ERBIN: variants seen among roughly 807,000 people sequenced by gnomAD.
ERBIN encodes the protein densin-180-like protein.
A neutral mutation model predicts 158.4 loss-of-function variants in ERBIN; 60 were observed. The ratio of observed to expected loss-of-function variants is 0.38; its 90% CI spans 0.31 to 0.47. ERBIN has a LOEUF of 0.47. Among genes scored for constraint, ERBIN ranks in the 20% least tolerant of loss-of-function variants. The probability of loss-of-function intolerance (pLI) is 0.99; values close to 1 mark genes in which losing one functional copy is unlikely to be tolerated. For synonymous variants in ERBIN, 594 were observed against 557.2 expected (o/e 1.07, Z -0.93); for missense variants, 1,610 against 1,648.0 (o/e 0.98, Z 0.40).
intron 1 of ERBIN, among the ~76,000 whole-genome samples, chr5:65,940,981 C>T (rs1044542542): frequency 6.6e-6 from 1 of 152,186 alleles, no homozygotes; most frequent in East Asian, 1.9e-4. Flanking sequence ...AAGAAAAATT[C>T]TTCTGCCTTG....
chr5:66,008,574 G>A (rs183227003), intron 4 of ERBIN, among the ~76,000 whole-genome samples: 1 of 151,992 alleles, frequency 6.6e-6, no homozygotes, highest in Admixed American at 6.6e-5. Flanking sequence ...TCTCCATATG[G>A]TATTTTAGAT....
chr5:66,054,095 T>C lies in ERBIN; in HGVS notation c.2777T>C (p.Val926Ala). 5.0e-6 allele frequency: 8 copies of C among 1,614,186 alleles called. No homozygotes were observed. Among genetic ancestry groups the C allele is most frequent in the Admixed American group, 3.3e-5 (2 of 60,020 alleles). ...ATLLYDQPLQ[V>A]FTGSSSSSDL... ...CTGTTGTATGATCAACCATTGCAGG[T>C]ATTTACTGGTTCTTCCTCATCTTCT... Residue 926 changes from valine to alanine, a missense_variant, in exon 21 of 26, where the codon GTA becomes GCA. Val to Ala is a moderately conservative substitution (Grantham distance 64). Transcript: ENST00000284037.
intron 13 of ERBIN, among the ~76,000 whole-genome samples, chr5:66,027,647 G>T (rs983296111): frequency 6.6e-6 from 1 of 151,908 alleles, no homozygotes; most frequent in Non-Finnish European, 1.5e-5. Flanking sequence ...CTCTAGAAAT[G>T]ATTTAAAATA....
At chr5:65,954,929 G>T (rs945625171) in intron 1 of ERBIN, among the ~76,000 whole-genome samples, 1 of 152,022 alleles carries the variant, frequency 6.6e-6, no homozygotes, top group Non-Finnish European at 1.5e-5. Flanking sequence ...GCCGGGCATG[G>T]TGGTGGGCGC....
At chr5:66,071,027 A>G (rs1761482202) in intron 21 of ERBIN, among the ~76,000 whole-genome samples, 1 of 152,186 alleles carries the variant, frequency 6.6e-6, no homozygotes, top group South Asian at 2.1e-4. Flanking sequence ...TGAAAAACAT[A>G]TGTGTCTTGC....
At chr5:65,944,393 G>A (rs76908755) in intron 1 of ERBIN, among the ~76,000 whole-genome samples, 2,633 of 151,702 alleles carry the variant, frequency 0.017, 72 homozygotes, top group African/African-American at 0.059. Context: ...GGTGGTTGTT[G>A]GTTTTTTTGT....
At chr5:66,034,080 C>T (rs1757151917) in intron 14 of ERBIN, among the ~76,000 whole-genome samples, 3 of 145,474 alleles carry the variant, frequency 2.1e-5, no homozygotes, top group African/African-American at 7.6e-5. Flanking sequence ...CTGCACTCCA[C>T]ACTGTAGCCT....
chr5:66,016,078 A>G (rs1254634174), intron 7 of ERBIN, among the ~76,000 whole-genome samples: 3 of 152,212 alleles, frequency 2.0e-5, no homozygotes, highest in Non-Finnish European at 4.4e-5. Context: ...GTGAGGACAG[A>G]GACTGTGTCT....
intron 1 of ERBIN, among the ~76,000 whole-genome samples, chr5:65,928,712 C>A (rs1742990050): frequency 6.6e-6 from 1 of 151,988 alleles, no homozygotes. Context: ...TTCTCCTCAA[C>A]AAGGCATAAT....
rs960501960 is a variant in ERBIN, at chr5:66,082,221, T to G, written c.*3691T>G. 1 of 152,224 alleles carries G rather than the reference T, an allele frequency of 6.6e-6. No homozygotes were observed. Among genetic ancestry groups the G allele is most frequent in the African/African-American group, 2.4e-5 (1 of 41,454 alleles). 9.4% of individuals were successfully genotyped at this position (152,224 alleles called of 1,614,324 possible). On this transcript the variant is annotated 3_prime_UTR_variant, in exon 26 of 26. Coordinates refer to ENST00000284037, the MANE Select transcript of ERBIN (RefSeq NM_001253697.2). Reference sequence around the variant, plus strand: ...AAAGCCTAAAATGTTAGAGAATGTTTAGAGAAAACACCTGAAATTTTTTTT... The same window carrying G: ...AAAGCCTAAAATGTTAGAGAATGTTGAGAGAAAACACCTGAAATTTTTTTT...
At chr5:66,018,936 G>A (rs1276270247) in intron 7 of ERBIN, among the ~76,000 whole-genome samples, 2 of 149,964 alleles carry the variant, frequency 1.3e-5, no homozygotes, top group Non-Finnish European at 2.9e-5. Flanking sequence ...CACCTGGCCG[G>A]TATGTCATAT....
At chr5:66,000,410 A>T (rs570917380) in intron 4 of ERBIN, among the ~76,000 whole-genome samples, 2 of 152,144 alleles carry the variant, frequency 1.3e-5, no homozygotes, top group African/African-American at 2.4e-5. Context: ...GAGTTAGGCA[A>T]CCTATTAGAC....
At chr5:66,032,279 T>A (rs1756968961) in intron 14 of ERBIN, among the ~76,000 whole-genome samples, 1 of 152,204 alleles carries the variant, frequency 6.6e-6, no homozygotes, top group Non-Finnish European at 1.5e-5. Context: ...TCTTGTACTC[T>A]TATCAATTAT....
intron 1 of ERBIN, among the ~76,000 whole-genome samples, chr5:65,943,556 A>C (rs1167936681): frequency 6.6e-6 from 1 of 152,200 alleles, no homozygotes; most frequent in Non-Finnish European, 1.5e-5. Flanking sequence ...TCATTGCTCT[A>C]CAGCTCTTAG....
intron 14 of ERBIN, among the ~76,000 whole-genome samples, chr5:66,032,503 T>C (rs1756989263): frequency 6.6e-6 from 1 of 152,224 alleles, no homozygotes; most frequent in South Asian, 2.1e-4. Flanking sequence ...ATTCTAGTCA[T>C]GATCAATTAT....
At chr5:65,957,195 A>AT (rs538465405) in intron 1 of ERBIN, among the ~76,000 whole-genome samples, 2,996 of 149,820 alleles carry the variant, frequency 0.02, 50 homozygotes, top group South Asian at 0.048. Flanking sequence ...TCAATGTAGG[A>AT]TTTTTTTTTT....
In ERBIN at chr5:66,069,127, AC is replaced by A. The variant is rs1420143697; in HGVS notation, c.3634-3040del. 9 of 1,037,824 alleles carry A rather than the reference AC, an allele frequency of 8.7e-6. No individual in the cohort carries two copies. In the East Asian group the frequency reaches 2.5e-4, roughly 29 times the overall value. 64.3% of individuals were successfully genotyped at this position (1,037,824 alleles called of 1,614,324 possible). A position where few individuals can be genotyped will look rare whatever the true frequency, so the allele number is the denominator to read the frequency against. ...AAAAAATGTTTACTCTGGGTTAGAA[AC>A]CTTGATTTCCTCTGAGTTCTTCCAT... On this transcript the variant is annotated intron_variant, in intron 21 of 25. Transcript: ENST00000284037.
chr5:66,006,223 C>T (rs1753582171), intron 4 of ERBIN, among the ~76,000 whole-genome samples: 1 of 152,112 alleles, frequency 6.6e-6, no homozygotes, highest in Non-Finnish European at 1.5e-5. Context: ...GAACAGAGCC[C>T]TCAGAAATAA....
chr5:66,061,074 A>G, intron 21 of ERBIN, among the ~76,000 whole-genome samples: 1 of 152,032 alleles, frequency 6.6e-6, no homozygotes, highest in Non-Finnish European at 1.5e-5. Context: ...CTTGGTGCAG[A>G]GCTGAGTTGA....
Sources: gnomAD v4.1 joint callset for allele counts (sites outside exome capture counted in the v4.1 genomes callset) on GRCh38, gnomAD v4.1.1 for gene constraint, MANE v1.5 for transcripts, NCBI Gene and HGNC (gene_info 2026-07-23, HGNC 2026-07-21) for gene names.